TENM1: variants seen among roughly 807,000 people sequenced by gnomAD.
TENM1 encodes teneurin-1.
In TENM1, 35 loss-of-function variants were observed where a neutral mutation model predicts 174.8. The ratio of observed to expected loss-of-function variants is 0.20; its 90% CI spans 0.15 to 0.27. The LOEUF (loss-of-function observed/expected upper bound fraction) is 0.27. Ranked by LOEUF, TENM1 falls within the 10% of genes least tolerant of loss-of-function variation. The pLI is 1.00. For synonymous variants in TENM1, 781 were observed against 798.7 expected (o/e 0.98, Z 0.37); for missense variants, 1,633 against 2,130.1 (o/e 0.77, Z 4.59).
At chrX:124,661,245 G>A (rs2051592674) in intron 6 of TENM1, among the ~76,000 whole-genome samples, 1 of 111,697 alleles carries the variant, frequency 9.0e-6, no homozygotes, top group Admixed American at 9.4e-5. Context: ...ATTGGTGATT[G>A]CTACACAACT....
chrX:124,840,931 T>C (rs2056485362), intron 3 of TENM1, among the ~76,000 whole-genome samples: 1 of 112,141 alleles, frequency 8.9e-6, no homozygotes, highest in South Asian at 3.7e-4. Flanking sequence ...TACTTTTACA[T>C]TTCAGTTCAA....
the TENM1 span, among the ~76,000 whole-genome samples, chrX:124,990,178 AT>A: frequency 2.3e-4 from 25 of 108,868 alleles, no homozygotes; most frequent in South Asian, 3.9e-4. Flanking sequence ...ACAAAGTGAG[AT>A]TTTTTTTTTC....
At chrX:124,605,437 G>A (rs148495349) in intron 11 of TENM1, among the ~76,000 whole-genome samples, 177 of 109,157 alleles carry the variant, frequency 1.6e-3, no homozygotes, top group African/African-American at 5.5e-3. Context: ...GAGTCAAGGG[G>A]GCAAGAGAAT....
intron 3 of TENM1, among the ~76,000 whole-genome samples, chrX:124,783,785 G>C (rs1253724350): frequency 8.9e-6 from 1 of 111,975 alleles, no homozygotes; most frequent in Non-Finnish European, 1.9e-5. Context: ...CAGAAATCTT[G>C]ACAGAAAACT....
the TENM1 span, among the ~76,000 whole-genome samples, chrX:124,992,245 T>A: frequency 9.0e-6 from 1 of 111,615 alleles, no homozygotes; most frequent in African/African-American, 3.3e-5. Context: ...GTCCTGGATC[T>A]TTGTAATGCT....
intron 22 of TENM1, among the ~76,000 whole-genome samples, chrX:124,459,470 T>C (rs2061144312): frequency 9.0e-6 from 1 of 110,942 alleles, no homozygotes; most frequent in South Asian, 3.9e-4. Flanking sequence ...ACCTAGAAAG[T>C]GCTAGTTTAA....
At chrX:124,427,047 A>G (rs2060726977) in intron 23 of TENM1, among the ~76,000 whole-genome samples, 1 of 112,012 alleles carries the variant, frequency 8.9e-6, no homozygotes, top group Admixed American at 9.4e-5. Flanking sequence ...ATAGTCCCCC[A>G]GGAAATGAGC....
chrX:124,981,110 T>C, the TENM1 span, among the ~76,000 whole-genome samples: 1 of 111,870 alleles, frequency 8.9e-6, no homozygotes, highest in African/African-American at 3.2e-5. Context: ...CACAATATTA[T>C]AATTTATATG....
chrX:125,042,370 C>T, the TENM1 span, among the ~76,000 whole-genome samples: 1 of 111,147 alleles, frequency 9.0e-6, no homozygotes, highest in Non-Finnish European at 1.9e-5. Context: ...CTATGTCTCT[C>T]CCCTTACTTA....
chrX:125,141,356 G>T, the TENM1 span, among the ~76,000 whole-genome samples: 2 of 111,964 alleles, frequency 1.8e-5, no homozygotes, highest in African/African-American at 3.2e-5. Context: ...TGTGCAGAAA[G>T]AAGCCATTTG....
At chrX:124,866,969 A>T (rs1182381773) in intron 3 of TENM1, among the ~76,000 whole-genome samples, 1 of 111,362 alleles carries the variant, frequency 9.0e-6, no homozygotes, top group Non-Finnish European at 1.9e-5. Flanking sequence ...ACCTAAACAG[A>T]CCAATAATGA....
At chrX:124,481,045 T>A (rs1378495713) in intron 22 of TENM1, among the ~76,000 whole-genome samples, 2 of 111,733 alleles carry the variant, frequency 1.8e-5, no homozygotes, top group African/African-American at 6.5e-5. Flanking sequence ...AAATTGAAGG[T>A]TGGTCTTTGA....
intron 14 of TENM1, among the ~76,000 whole-genome samples, chrX:124,559,977 C>T (rs2048776187): frequency 9.1e-6 from 1 of 109,792 alleles, no homozygotes; most frequent in African/African-American, 3.3e-5. Context: ...GGACAGAGAA[C>T]AATGGGTGGA....
chrX:124,788,438 A>T (rs749049477), intron 3 of TENM1, among the ~76,000 whole-genome samples: 49 of 112,052 alleles, frequency 4.4e-4, no homozygotes, highest in Non-Finnish European at 8.5e-4. Context: ...GCATTTCGAC[A>T]TTAACTCAAA....
At chrX:124,534,086 T>G (rs753597492) in intron 15 of TENM1, among the ~76,000 whole-genome samples, 4 of 111,972 alleles carry the variant, frequency 3.6e-5, no homozygotes, top group African/African-American at 1.3e-4. Flanking sequence ...TACAGGCTGC[T>G]GCCAAGCTGT....
intron 12 of TENM1, among the ~76,000 whole-genome samples, chrX:124,564,530 A>G (rs2048898499): frequency 1.8e-5 from 2 of 110,406 alleles, no homozygotes; most frequent in Admixed American, 9.7e-5. Flanking sequence ...CCACTGGAAC[A>G]CTCTGTGACC....
chrX:124,738,791 A>C (rs912566189), intron 3 of TENM1, among the ~76,000 whole-genome samples: 3 of 111,946 alleles, frequency 2.7e-5, no homozygotes, highest in African/African-American at 9.8e-5. Flanking sequence ...GAAGCATAGA[A>C]TGTTGAAACC....
intron 22 of TENM1, among the ~76,000 whole-genome samples, chrX:124,465,271 C>T (rs981296058): frequency 1.8e-5 from 2 of 111,913 alleles, no homozygotes; most frequent in Admixed American, 1.9e-4. Context: ...TTTATAGAGA[C>T]AGGGTGTTGC....
intron 11 of TENM1, among the ~76,000 whole-genome samples, chrX:124,580,594 C>T (rs1032221556): frequency 9.1e-6 from 1 of 110,006 alleles, no homozygotes; most frequent in Non-Finnish European, 1.9e-5. Flanking sequence ...TGGGAAGATA[C>T]AGGTTAAAGG....
Sources: allele counts gnomAD v4.1 joint callset (sites outside exome capture counted in the v4.1 genomes callset), GRCh38; gene constraint gnomAD v4.1.1; transcripts MANE v1.5; gene names NCBI Gene and HGNC (gene_info 2026-07-23, HGNC 2026-07-21).